RASGRF2: variants seen among roughly 807,000 people sequenced by gnomAD.
The protein encoded by RASGRF2 is ras-specific guanine nucleotide-releasing factor 2.
Under a neutral mutation model 151.0 loss-of-function variants are expected in RASGRF2, and 76 were observed. That is an observed-to-expected ratio of 0.50 (90% CI 0.42 to 0.61). The LOEUF is 0.61. Ranked by LOEUF, RASGRF2 falls within the 20% of genes least tolerant of loss-of-function variation. The probability of loss-of-function intolerance (pLI) is 0.00; values close to 1 mark genes in which losing one functional copy is unlikely to be tolerated. For missense variants in RASGRF2, 1,148 were observed against 1,564.6 expected, an observed-to-expected ratio of 0.73 and a Z score of 4.49; for synonymous variants, 504 against 566.5, an observed-to-expected ratio of 0.89 and a Z score of 1.57.
At position 81,206,868 on chromosome 5, in the gene RASGRF2, A is replaced by T; in HGVS notation, c.2930A>T (p.Asp977Val). The T allele has an allele frequency of 6.2e-7, 1 of 1,611,224 alleles. No homozygotes were observed. Among genetic ancestry groups the T allele is most frequent in the East Asian group, 2.2e-5 (1 of 44,868 alleles). Reference protein sequence around the residue: ...ILRALSQDDQDDIHLKLEDII... With the variant: ...ILRALSQDDQVDIHLKLEDII... The stretch of plus-strand genomic sequence containing the variant: ...AGGGCCCTTTCACAAGATGACCAAG[A>T]TGACATCCACCTAAAATTAGAGGAT... Residue 977 changes from aspartate (D) to valine (V), a missense_variant, in exon 20 of 27, where the codon GAT becomes GTT. Transcript: ENST00000265080.
At chr5:81,100,142 C>T (rs1472160123) in intron 12 of RASGRF2, among the ~76,000 whole-genome samples, 1 of 151,930 alleles carries the variant, frequency 6.6e-6, no homozygotes, top group African/African-American at 2.4e-5. Flanking sequence ...CTCCTGACCT[C>T]GTGATCCACC....
intron 1 of RASGRF2, among the ~76,000 whole-genome samples, chr5:80,988,308 C>T (rs1352848264): frequency 6.6e-6 from 1 of 152,064 alleles, no homozygotes; most frequent in Non-Finnish European, 1.5e-5. Context: ...GCCTCGGCCT[C>T]CCAAAGTGCT....
chr5:81,084,353 A>G lies in RASGRF2; in HGVS notation c.1162-1449A>G, dbSNP rs199653724. On this transcript the variant is annotated intron_variant, in intron 7 of 26. Coordinates refer to ENST00000265080, the MANE Select transcript of RASGRF2 (RefSeq NM_006909.3). Reference sequence around the variant, plus strand: ...TCATGCAATTATGCCAGCGAAAAAGATATTTGAAAGCACACTTATCCCAGG... The same window carrying G: ...TCATGCAATTATGCCAGCGAAAAAGGTATTTGAAAGCACACTTATCCCAGG... Among the ~76,000 whole-genome samples, 7 of 152,306 alleles carry G rather than the reference A, an allele frequency of 4.6e-5. No homozygotes were observed. In the East Asian group the frequency reaches 1.2e-3, roughly 25 times the overall value.
chr5:80,964,056 A>G (rs180713538), intron 1 of RASGRF2, among the ~76,000 whole-genome samples: 140 of 152,110 alleles, frequency 9.2e-4, no homozygotes, highest in African/African-American at 3.1e-3. Flanking sequence ...CAGAAAAAAG[A>G]AAGTCACTTT....
intron 7 of RASGRF2, among the ~76,000 whole-genome samples, chr5:81,083,251 A>C (rs1752135383): frequency 6.9e-6 from 1 of 145,902 alleles, no homozygotes; most frequent in Non-Finnish European, 1.5e-5. Context: ...ACGCCTCAGG[A>C]TGAGGCTAGG....
At chr5:81,174,838 C>T (rs6895852) in intron 17 of RASGRF2, among the ~76,000 whole-genome samples, 2,344 of 152,264 alleles carry the variant, frequency 0.015, 48 homozygotes, top group African/African-American at 0.048. Context: ...CAATATGAAA[C>T]ATATCTGTCT....
intron 18 of RASGRF2, among the ~76,000 whole-genome samples, chr5:81,196,078 G>C (rs1280012668): frequency 3.3e-5 from 5 of 152,176 alleles, no homozygotes; most frequent in African/African-American, 1.2e-4. Flanking sequence ...GGCCAACATG[G>C]CGAAACCCCA....
At chr5:81,067,917 A>G (rs1751656908) in intron 2 of RASGRF2, 115 bp from the exon 3 acceptor site, 1 of 858,000 alleles carries the variant, frequency 1.2e-6, no homozygotes, top group Non-Finnish European at 1.6e-6. Flanking sequence ...AAGTAGAGAT[A>G]GCTGAACAAA....
In RASGRF2 at chr5:80,990,370, A is replaced by G. The variant is rs186420638; in HGVS notation, c.288+29344A>G. Reference sequence around the variant, plus strand: ...TCGTGCCCAATTTCATGTCCAACCCAGAGCCAATACTTGGAATCCTGAGAA... The same window carrying G: ...TCGTGCCCAATTTCATGTCCAACCCGGAGCCAATACTTGGAATCCTGAGAA... On this transcript the variant is annotated intron_variant, in intron 1 of 26. Coordinates refer to ENST00000265080, the MANE Select transcript of RASGRF2 (RefSeq NM_006909.3). Among the ~76,000 whole-genome samples, 97 of 152,288 alleles carry G rather than the reference A, an allele frequency of 6.4e-4. 1 individual carries two copies. The Middle Eastern group carries it at 0.01, about 16-fold the overall frequency.
chr5:81,033,711 G>A (rs1241287487), intron 1 of RASGRF2, among the ~76,000 whole-genome samples: 1 of 152,130 alleles, frequency 6.6e-6, no homozygotes, highest in East Asian at 1.9e-4. Context: ...GAAAACCTAG[G>A]CAGTACCATT....
intron 2 of RASGRF2, among the ~76,000 whole-genome samples, chr5:81,048,321 T>C (rs1355630749): frequency 6.6e-6 from 1 of 152,048 alleles, no homozygotes; most frequent in Admixed American, 6.6e-5. Context: ...GTCAGGGCTT[T>C]GCCTTCATAT....
intron 15 of RASGRF2, among the ~76,000 whole-genome samples, chr5:81,115,430 G>A (rs1004459174): frequency 6.6e-6 from 1 of 152,198 alleles, no homozygotes; most frequent in Non-Finnish European, 1.5e-5. Context: ...ATTCAGGGTT[G>A]CACCCAGCGC....
intron 2 of RASGRF2, among the ~76,000 whole-genome samples, chr5:81,061,340 C>T (rs1028487363): frequency 3.9e-5 from 6 of 151,900 alleles, no homozygotes; most frequent in African/African-American, 1.5e-4. Flanking sequence ...AGGATATAAC[C>T]ATTTTGACCT....
At chr5:80,969,421 A>C (rs1404838843) in intron 1 of RASGRF2, among the ~76,000 whole-genome samples, 3 of 149,290 alleles carry the variant, frequency 2.0e-5, no homozygotes, top group Non-Finnish European at 3.0e-5. Context: ...GGCGTGAGCC[A>C]CCACGACTGG....
chr5:81,182,332 A>G (rs985925935), intron 18 of RASGRF2, among the ~76,000 whole-genome samples: 2 of 152,226 alleles, frequency 1.3e-5, no homozygotes, highest in African/African-American at 4.8e-5. Context: ...CCTCCCCTGC[A>G]TGCATGAGTG....
In RASGRF2 at chr5:81,013,038, G is replaced by A. The variant is rs565056845; in HGVS notation, c.289-29839G>A. Among the ~76,000 whole-genome samples, 8 of 152,238 alleles carry A rather than the reference G, an allele frequency of 5.3e-5. No individual in the cohort carries two copies. The East Asian group carries it at 1.5e-3, about 29-fold the overall frequency. ...CATATGAATGGACATATAGGAGCAG[G>A]CCCCAAATACGGTAATGGCTGCAAC... On this transcript the variant is annotated intron_variant, in intron 1 of 26. Coordinates refer to ENST00000265080, the MANE Select transcript of RASGRF2 (RefSeq NM_006909.3).
At chr5:80,967,780 G>A in intron 1 of RASGRF2, among the ~76,000 whole-genome samples, 1 of 152,148 alleles carries the variant, frequency 6.6e-6, no homozygotes, top group East Asian at 1.9e-4. Flanking sequence ...CTTGGTCTAA[G>A]GCTCAGTAGA....
rs1747502077 is a variant in RASGRF2 at position 80,960,375 on chromosome 5, G to C, written c.-364G>C. Among the ~76,000 whole-genome samples the C allele has an allele frequency of 6.6e-6, 1 of 151,058 alleles. No homozygotes were observed. The highest frequency in any genetic ancestry group is 1.5e-5 in the Non-Finnish European group (1 of 67,610). The stretch of plus-strand genomic sequence containing the variant: ...GTTGCCCGAGGACAGTCCTTCCCCG[G>C]CTGCCGCCCCAGCCCGCCGCGGGGG... On this transcript the variant is annotated 5_prime_UTR_variant, in exon 1 of 27. Transcript: ENST00000265080. This position sits in a 1 kb window ranked among gnomAD's most constrained non-coding sequence, Gnocchi z 5.5.
chr5:81,084,239 TCC>T (rs1752164563), intron 7 of RASGRF2, among the ~76,000 whole-genome samples: 1 of 152,224 alleles, frequency 6.6e-6, no homozygotes, highest in African/African-American at 2.4e-5. Context: ...CCTACACCTG[TCC>T]TGTTTGCTAT....
Sources: allele counts gnomAD v4.1 joint callset (sites outside exome capture counted in the v4.1 genomes callset), GRCh38; gene constraint gnomAD v4.1.1; non-coding constraint Gnocchi (gnomAD v3.1); transcripts MANE v1.5; gene names NCBI Gene and HGNC (gene_info 2026-07-23, HGNC 2026-07-21).